The following FANK1 variants were observed in gnomAD, a reference collection of about 807,000 sequenced individuals.
FANK1 encodes fibronectin type III and ankyrin repeat domains 1.
A neutral mutation model predicts 45.3 loss-of-function variants in FANK1; 44 were observed. That is an observed-to-expected ratio of 0.97 (90% CI 0.76 to 1.25). FANK1 has a LOEUF of 1.25. FANK1 is among the 50% of genes most tolerant of loss of function. The pLI is 0.00. For missense variants in FANK1, 391 were observed against 424.4 expected (o/e 0.92, Z 0.69); for synonymous variants, 149 against 152.5 (o/e 0.98, Z 0.17).
intron 1 of FANK1, among the ~76,000 whole-genome samples, chr10:125,943,383 A>G (rs1465509462): frequency 6.6e-6 from 1 of 152,140 alleles, no homozygotes; most frequent in Non-Finnish European, 1.5e-5. Flanking sequence ...AAAAATATGC[A>G]TGATTCGGTG....
intron 1 of FANK1, among the ~76,000 whole-genome samples, chr10:125,934,175 G>A (rs1235968968): frequency 1.3e-5 from 2 of 152,248 alleles, no homozygotes; most frequent in South Asian, 2.1e-4. Flanking sequence ...ATAATGTGAT[G>A]TGGAAGAAAA....
Position 126,004,860 on chromosome 10 carries a change from T to C in FANK1, c.540-24T>C, listed in dbSNP as rs201036976. 68 of 1,612,486 alleles carry C rather than the reference T, an allele frequency of 4.2e-5. 2 individuals carry two copies. The Middle Eastern group carries it at 5.0e-4, about 12-fold the overall frequency. Reference sequence around the variant, plus strand: ...TTTGGTGACTGTGCTTATTGTCAAATGCCGCTTCTTCCATATGTTGCAGTC... The same window carrying C: ...TTTGGTGACTGTGCTTATTGTCAAACGCCGCTTCTTCCATATGTTGCAGTC... On this transcript the variant is annotated intron_variant, in intron 6 of 10. Coordinates refer to ENST00000368693, the MANE Select transcript of FANK1 (RefSeq NM_145235.5).
chr10:125,913,746 C>T (rs557845067), intron 1 of FANK1, among the ~76,000 whole-genome samples: 1 of 152,290 alleles, frequency 6.6e-6, no homozygotes, highest in Non-Finnish European at 1.5e-5. Context: ...AGCCCTGAGC[C>T]TCCTGCTTCA....
At chr10:125,956,931 C>A (rs1949615623) in intron 1 of FANK1, among the ~76,000 whole-genome samples, 1 of 152,182 alleles carries the variant, frequency 6.6e-6, no homozygotes, top group Non-Finnish European at 1.5e-5. Context: ...TCACTGCAAC[C>A]TCCCCATCAC....
intron 1 of FANK1, among the ~76,000 whole-genome samples, chr10:125,906,994 C>A (rs545886019): frequency 6.6e-6 from 1 of 152,336 alleles, no homozygotes; most frequent in Admixed American, 6.5e-5. Context: ...CCTCTCTGAG[C>A]ATTAGGTTTG....
At chr10:125,942,488 C>T (rs1026120374) in intron 1 of FANK1, among the ~76,000 whole-genome samples, 5 of 152,168 alleles carry the variant, frequency 3.3e-5, no homozygotes, top group African/African-American at 4.8e-5. Flanking sequence ...AAGCTGAGAA[C>T]TCTCAGCAAA....
At chr10:125,990,613 T>C (rs1951861193) in intron 3 of FANK1, among the ~76,000 whole-genome samples, 1 of 152,174 alleles carries the variant, frequency 6.6e-6, no homozygotes, top group Admixed American at 6.5e-5. Flanking sequence ...TCAGGTGGCC[T>C]CTAGCATCCT....
intron 3 of FANK1, chr10:125,989,493 T>C (rs747189662): frequency 1.1e-6 from 1 of 874,096 alleles, no homozygotes; most frequent in Non-Finnish European, 1.9e-6. Context: ...AGGCATTTCT[T>C]CATTACAAGT....
At chr10:125,971,695 C>T (rs1472560536) in intron 1 of FANK1, among the ~76,000 whole-genome samples, 1 of 152,116 alleles carries the variant, frequency 6.6e-6, no homozygotes, top group Non-Finnish European at 1.5e-5. Flanking sequence ...GATCTTGGCT[C>T]ACTGCAAACT....
chr10:126,004,780 C>T lies in FANK1; in HGVS notation c.540-104C>T, dbSNP rs1173952194. 3.4e-6 allele frequency: 4 copies of T among 1,167,378 alleles called. No individual in the cohort carries two copies. The East Asian group carries it at 9.4e-5, about 27-fold the overall frequency. 72.3% of individuals were successfully genotyped at this position (1,167,378 alleles called of 1,614,324 possible). ...ATATGAACAGTTCCCATGGCTTTTC[C>T]ACTCAAGTTAGGATTTCTTGGTTTA... On this transcript the variant is annotated intron_variant, in intron 6 of 10. Transcript: ENST00000368693.
Position 125,973,572 on chromosome 10 carries a change from G to C in FANK1, c.14-6589G>C, listed in dbSNP as rs73368665. 1.7e-3 allele frequency: 915 copies of C among 537,072 alleles called. 8 individuals carry two copies. The highest frequency in any genetic ancestry group is 0.017 in the African/African-American group (830 of 48,818). The allele number at this position is 537,072 out of a possible 1,614,324, so 33.3% of individuals were successfully genotyped here. ...AGAACCCTGAAATTGGTTTCTCTAA[G>C]AAAACCAAGAGGCCCATAAGGGTAA... On this transcript the variant is annotated intron_variant, in intron 1 of 10. Coordinates refer to ENST00000368693, the MANE Select transcript of FANK1 (RefSeq NM_145235.5).
In FANK1 at chr10:125,987,927, C is replaced by T. The variant is rs78243279; in HGVS notation, c.192-624C>T. Among the ~76,000 whole-genome samples, 923 of 152,274 alleles carry T rather than the reference C, an allele frequency of 6.1e-3. 4 individuals are homozygous for T. The highest frequency in any genetic ancestry group is 0.01 in the Middle Eastern group (3 of 294). The stretch of plus-strand genomic sequence containing the variant: ...CCTCTGGAGGTGTGTGGATTTCCAT[C>T]GTGAGTCTCTCATCAGATTTCTATC... On this transcript the variant is annotated intron_variant, in intron 2 of 10. Coordinates refer to ENST00000368693, the MANE Select transcript of FANK1 (RefSeq NM_145235.5).
chr10:125,992,126 T>A (rs1951989781), intron 3 of FANK1, among the ~76,000 whole-genome samples: 1 of 152,232 alleles, frequency 6.6e-6, no homozygotes, highest in Admixed American at 6.5e-5. Flanking sequence ...TGGCATTCCC[T>A]TGGGCCAGGC....
chr10:125,947,342 C>T (rs1948880894), intron 1 of FANK1, among the ~76,000 whole-genome samples: 1 of 149,604 alleles, frequency 6.7e-6, no homozygotes, highest in Non-Finnish European at 1.5e-5. Flanking sequence ...AGTCAAGACC[C>T]ATCAGTGTGC....
At chr10:125,979,528 T>G (rs906902178) in intron 1 of FANK1, among the ~76,000 whole-genome samples, 5 of 152,194 alleles carry the variant, frequency 3.3e-5, no homozygotes, top group Non-Finnish European at 7.3e-5. Context: ...TGAACTCCAA[T>G]AGTTATGAAA....
At chr10:125,908,294 C>G (rs1179316634) in intron 1 of FANK1, among the ~76,000 whole-genome samples, 2 of 152,138 alleles carry the variant, frequency 1.3e-5, no homozygotes, top group Non-Finnish European at 2.9e-5. Context: ...CTGTGCCTGG[C>G]CTTTTCTCAT....
At chr10:125,994,256 G>A (rs549614948) in intron 3 of FANK1, 2 of 398,778 alleles carry the variant, frequency 5.0e-6, no homozygotes, top group Admixed American at 6.4e-5. Context: ...TTTCTTTCAG[G>A]GTTTAGAATA....
chr10:125,925,912 C>T (rs1361991280), intron 1 of FANK1, among the ~76,000 whole-genome samples: 1 of 152,118 alleles, frequency 6.6e-6, no homozygotes, highest in Non-Finnish European at 1.5e-5. Context: ...GTCATTTTGT[C>T]ACTTTCTATT....
chr10:125,916,306 C>T (rs1014063624), intron 1 of FANK1, among the ~76,000 whole-genome samples: 9 of 152,142 alleles, frequency 5.9e-5, no homozygotes, highest in Non-Finnish European at 1.5e-5. Flanking sequence ...GGATTACAGG[C>T]ATGAGCCACC....
Sources: gnomAD v4.1 joint callset for allele counts (sites outside exome capture counted in the v4.1 genomes callset) on GRCh38, gnomAD v4.1.1 for gene constraint, MANE v1.5 for transcripts, NCBI Gene and HGNC (gene_info 2026-07-23, HGNC 2026-07-21) for gene names.